Variants in CECR2 observed in about 807,000 individuals in gnomAD.
The protein encoded by CECR2 is CECR2 histone acetyl-lysine reader, also known as chromatin remodeling regulator CECR2.
CECR2 carries 30 observed loss-of-function variants against 154.5 expected under a neutral mutation model. That is an observed-to-expected ratio of 0.19 (90% CI 0.15 to 0.26). CECR2 has a LOEUF of 0.26. Among genes scored for constraint, CECR2 ranks in the 10% least tolerant of loss-of-function variants. CECR2 has a pLI of 1.00. For synonymous variants in CECR2, 725 were observed against 683.7 expected, an observed-to-expected ratio of 1.06 and a Z score of -0.94; for missense variants, 1,743 against 1,829.3, an observed-to-expected ratio of 0.95 and a Z score of 0.86.
At chr22:17,395,343 A>G (rs2053791869) in intron 1 of CECR2, among the ~76,000 whole-genome samples, 1 of 151,038 alleles carries the variant, frequency 6.6e-6, no homozygotes, top group Non-Finnish European at 1.5e-5. Context: ...AGAATCTTAC[A>G]TATTCTCTCT....
chr22:17,440,207 C>CTGTG (rs145052413), intron 1 of CECR2, among the ~76,000 whole-genome samples: 11 of 151,142 alleles, frequency 7.3e-5, no homozygotes, highest in South Asian at 4.2e-4. Context: ...TTATATAAAA[C>CTGTG]TGTGTGTGTG....
intron 1 of CECR2, among the ~76,000 whole-genome samples, chr22:17,390,171 C>A (rs546016604): frequency 6.6e-6 from 1 of 152,200 alleles, no homozygotes; most frequent in East Asian, 1.9e-4. Context: ...AAAATAGAGC[C>A]GTTTTTCAGT....
intron 1 of CECR2, among the ~76,000 whole-genome samples, chr22:17,444,049 G>T (rs2054621995): frequency 1.3e-5 from 2 of 152,138 alleles, no homozygotes; most frequent in African/African-American, 2.4e-5. Context: ...ATTTGCATGT[G>T]CAGGCACACA....
At chr22:17,414,611 A>T (rs1222684113) in intron 1 of CECR2, among the ~76,000 whole-genome samples, 2 of 151,236 alleles carry the variant, frequency 1.3e-5, no homozygotes, top group Non-Finnish European at 2.9e-5. Context: ...GGTGTGCTGC[A>T]CCCATTAACT....
intron 1 of CECR2, among the ~76,000 whole-genome samples, chr22:17,464,151 C>T (rs1360231416): frequency 6.6e-6 from 1 of 152,192 alleles, no homozygotes; most frequent in Non-Finnish European, 1.5e-5. Context: ...GTTTTTGTTA[C>T]CATCTCTGAG....
intron 1 of CECR2, among the ~76,000 whole-genome samples, chr22:17,447,190 A>G (rs567464007): frequency 6.6e-6 from 1 of 150,516 alleles, no homozygotes; most frequent in South Asian, 2.1e-4. Context: ...GCTGGCCACC[A>G]TGCCCGGCTA....
At chr22:17,472,415 A>AAG (rs1486247459) in intron 1 of CECR2, among the ~76,000 whole-genome samples, 1 of 152,148 alleles carries the variant, frequency 6.6e-6, no homozygotes, top group Non-Finnish European at 1.5e-5. Flanking sequence ...ACAGTCCTTC[A>AAG]AGAGGCCTGC....
At chr22:17,392,864 A>AC (rs1449524248) in intron 1 of CECR2, among the ~76,000 whole-genome samples, 1 of 151,930 alleles carries the variant, frequency 6.6e-6, no homozygotes, top group Non-Finnish European at 1.5e-5. Context: ...ACATGGTGAA[A>AC]CCCCGTCTCT....
chr22:17,403,134 C>T (rs1375727653), intron 1 of CECR2, among the ~76,000 whole-genome samples: 1 of 152,194 alleles, frequency 6.6e-6, no homozygotes, highest in African/African-American at 2.4e-5. Context: ...TTGTCATCAG[C>T]GTGGACTCAT....
intron 1 of CECR2, among the ~76,000 whole-genome samples, chr22:17,378,179 T>G (rs1448648624): frequency 6.6e-6 from 1 of 151,118 alleles, no homozygotes; most frequent in South Asian, 2.1e-4. Flanking sequence ...GAGACGGGGT[T>G]TCACCGTGTT....
chr22:17,380,687 C>T (rs1236031937), intron 1 of CECR2, among the ~76,000 whole-genome samples: 1 of 152,180 alleles, frequency 6.6e-6, no homozygotes, highest in Non-Finnish European at 1.5e-5. Flanking sequence ...ATAGAGGAAG[C>T]CGTGGGGCCA....
intron 1 of CECR2, chr22:17,418,918 T>C: frequency 1.0e-5 from 2 of 193,690 alleles, no homozygotes; most frequent in South Asian, 7.8e-5. Context: ...CACAGGTACA[T>C]CCTGGACTGG....
At position 17,394,255 on chromosome 22, in the gene CECR2, A is replaced by G. The variant is rs115698031; in HGVS notation, c.126+24346A>G. Among the ~76,000 whole-genome samples the G allele has an allele frequency of 7.7e-4, 113 of 147,344 alleles. 1 individual carries two copies. Among genetic ancestry groups the G allele is most frequent in the African/African-American group, 2.8e-3 (110 of 39,590 alleles). On this transcript the variant is annotated intron_variant, in intron 1 of 18. Transcript: ENST00000262608. The stretch of plus-strand genomic sequence containing the variant: ...GTTTCTGGTTCTGTCGTCCAGGCCA[A>G]AGCAGTGGCATGACCATAGCTCACT...
At chr22:17,404,954 T>TA (rs2053959117) in intron 1 of CECR2, among the ~76,000 whole-genome samples, 1 of 152,192 alleles carries the variant, frequency 6.6e-6, no homozygotes, top group Admixed American at 6.5e-5. Context: ...TTAACACTAT[T>TA]GAGTCTTCTG....
rs949267486 is a variant in CECR2 at position 17,442,461 on chromosome 22, A to G, written c.127-35127A>G. ...TAGTTGATGCACATCTTGTAGTCCT[A>G]GCTACTAGGGAGGCCGAGGCAGGAG... On this transcript the variant is annotated intron_variant, in intron 1 of 18. Coordinates refer to ENST00000262608, the MANE Select transcript of CECR2 (RefSeq NM_001290047.2). Among the ~76,000 whole-genome samples the G allele has an allele frequency of 2.6e-5, 4 of 152,274 alleles. No homozygotes were observed. The South Asian group carries it at 6.2e-4, about 24-fold the overall frequency.
chr22:17,396,711 G>A (rs1054250572), intron 1 of CECR2, among the ~76,000 whole-genome samples: 14 of 152,094 alleles, frequency 9.2e-5, no homozygotes, highest in Non-Finnish European at 1.8e-4. Flanking sequence ...GAACATTCCT[G>A]GTATATAACC....
At chr22:17,489,541 G>A (rs906123371) in intron 2 of CECR2, among the ~76,000 whole-genome samples, 4 of 152,022 alleles carry the variant, frequency 2.6e-5, no homozygotes, top group Admixed American at 6.6e-5. Context: ...CTGCAGCCTC[G>A]ACCTCCTGGG....
intron 1 of CECR2, among the ~76,000 whole-genome samples, chr22:17,389,062 C>T (rs1487439872): frequency 3.9e-5 from 6 of 152,168 alleles, no homozygotes; most frequent in African/African-American, 1.2e-4. Flanking sequence ...GATCCACCCT[C>T]CTTGGCCTCC....
rs193045608 is a variant in CECR2 at position 17,414,028 on chromosome 22, G to A, written c.126+44119G>A. Among the ~76,000 whole-genome samples the A allele has an allele frequency of 1.9e-3, 263 of 137,840 alleles. 1 individual carries two copies. Among genetic ancestry groups the A allele is most frequent in the Admixed American group, 2.9e-3 (39 of 13,442 alleles). The allele number at this position is 137,840 out of a possible 152,430, so 90.4% of individuals were successfully genotyped here. The stretch of plus-strand genomic sequence containing the variant: ...TGCTCTGTCACCCAGGCTGGAGTGT[G>A]GTGGTGCAATCTCCGCTCACTGCAA... On this transcript the variant is annotated intron_variant, in intron 1 of 18. Transcript: ENST00000262608.
Sources: allele counts gnomAD v4.1 joint callset (sites outside exome capture counted in the v4.1 genomes callset), GRCh38; gene constraint gnomAD v4.1.1; transcripts MANE v1.5; gene names NCBI Gene and HGNC (gene_info 2026-07-23, HGNC 2026-07-21).